CHRM3: variants seen among roughly 807,000 people sequenced by gnomAD.
CHRM3 encodes cholinergic receptor muscarinic 3, also known as muscarinic acetylcholine receptor M3.
CHRM3 carries 11 observed loss-of-function variants against 41.8 expected under a neutral mutation model. That is an observed-to-expected ratio of 0.26 (90% CI 0.17 to 0.44). CHRM3 has a LOEUF of 0.44. Ranked by LOEUF, CHRM3 falls within the 20% of genes least tolerant of loss-of-function variation. The probability of loss-of-function intolerance (pLI) is 1.00; values close to 1 mark genes in which losing one functional copy is unlikely to be tolerated. For synonymous variants in CHRM3, 297 were observed against 301.4 expected (o/e 0.99, Z 0.15); for missense variants, 571 against 745.4 (o/e 0.77, Z 2.72).
intron 3 of CHRM3, among the ~76,000 whole-genome samples, chr1:239,549,659 TAAA>T (rs542326965): frequency 2.5e-5 from 3 of 119,768 alleles, no homozygotes; most frequent in Admixed American, 8.6e-5. Flanking sequence ...AGACTCCATC[TAAA>T]AAAAAAAAAA....
rs1308566694 is a variant in CHRM3 at position 239,404,404 on chromosome 1, GAAAGAAAAAGAA to G, written c.-521+17179_-521+17190del. ...AGAAAGAAAGAAAGAAAGAAAGAAA[GAAAGAAAAAGAA>G]AGAAAGAAAGAAAGAAAGAAAGAAA... On this transcript the variant is annotated intron_variant, in intron 1 of 6. Coordinates refer to ENST00000676153, the MANE Select transcript of CHRM3 (RefSeq NM_001375978.1). Among the ~76,000 whole-genome samples the G allele has an allele frequency of 8.1e-3, 467 of 57,902 alleles. 5 individuals carry two copies. The highest frequency in any genetic ancestry group is 0.017 in the Middle Eastern group (2 of 118). The allele number at this position is 57,902 out of a possible 152,430, so 38.0% of individuals were successfully genotyped here. A position where few individuals can be genotyped will look rare whatever the true frequency, so the allele number is the denominator to read the frequency against.
At chr1:239,411,309 C>A (rs1661042500) in intron 1 of CHRM3, among the ~76,000 whole-genome samples, 1 of 152,156 alleles carries the variant, frequency 6.6e-6, no homozygotes, top group South Asian at 2.1e-4. Flanking sequence ...GCTCTTAAAG[C>A]ATTGTGCCTT....
chr1:239,455,071 T>A (rs7551209), intron 1 of CHRM3, among the ~76,000 whole-genome samples: 10,337 of 152,128 alleles, frequency 0.068, 692 homozygotes, highest in African/African-American at 0.18. Flanking sequence ...TCTACTTATT[T>A]TTTATTTATT....
At chr1:239,478,952 G>A (rs1666638744) in intron 1 of CHRM3, among the ~76,000 whole-genome samples, 1 of 152,126 alleles carries the variant, frequency 6.6e-6, no homozygotes, top group Non-Finnish European at 1.5e-5. Context: ...GGAGGCTGAG[G>A]CGGGTAGATC....
At chr1:239,396,052 C>T (rs533404607) in intron 1 of CHRM3, among the ~76,000 whole-genome samples, 6 of 152,306 alleles carry the variant, frequency 3.9e-5, no homozygotes, top group African/African-American at 1.4e-4. Flanking sequence ...CTGCCACGTT[C>T]TCTTGCTGCA....
intron 4 of CHRM3, among the ~76,000 whole-genome samples, chr1:239,650,404 G>C (rs530771363): frequency 6.6e-6 from 1 of 152,256 alleles, no homozygotes; most frequent in Admixed American, 6.5e-5. Context: ...TGATTATTGT[G>C]AGAATAAAAA....
At chr1:239,824,279 A>G (rs903355890) in intron 5 of CHRM3, among the ~76,000 whole-genome samples, 2 of 152,184 alleles carry the variant, frequency 1.3e-5, no homozygotes, top group African/African-American at 4.8e-5. Flanking sequence ...CAGCAAGTAC[A>G]TGGATCCTCT....
At chr1:239,573,768 G>T (rs973306923) in intron 3 of CHRM3, among the ~76,000 whole-genome samples, 1 of 152,032 alleles carries the variant, frequency 6.6e-6, no homozygotes, top group Non-Finnish European at 1.5e-5. Context: ...CATTTTGTGT[G>T]TATATATAGT....
At chr1:239,621,501 G>C (rs539428355) in intron 3 of CHRM3, among the ~76,000 whole-genome samples, 1 of 152,264 alleles carries the variant, frequency 6.6e-6, no homozygotes, top group South Asian at 2.1e-4. Context: ...GAATGCAAAG[G>C]AAAAGTTCAT....
intron 1 of CHRM3, among the ~76,000 whole-genome samples, chr1:239,469,151 G>A (rs968174960): frequency 1.3e-5 from 2 of 151,952 alleles, no homozygotes; most frequent in Admixed American, 6.6e-5. Context: ...CCTGGGTCTC[G>A]GATCTACTCC....
chr1:239,786,346 T>G (rs150757501), intron 5 of CHRM3, among the ~76,000 whole-genome samples: 83 of 152,312 alleles, frequency 5.4e-4, no homozygotes, highest in South Asian at 8.3e-4. Flanking sequence ...CAATGTGCTG[T>G]GTGCCAGGCA....
At chr1:239,671,179 A>G (rs140485319) in intron 4 of CHRM3, among the ~76,000 whole-genome samples, 1 of 152,190 alleles carries the variant, frequency 6.6e-6, no homozygotes, top group Non-Finnish European at 1.5e-5. Flanking sequence ...TCATAGGATT[A>G]CTAGACTCCT....
At chr1:239,643,349 T>A (rs1037389043) in intron 4 of CHRM3, among the ~76,000 whole-genome samples, 4 of 152,224 alleles carry the variant, frequency 2.6e-5, no homozygotes, top group Non-Finnish European at 4.4e-5. Flanking sequence ...TCTTTTTATT[T>A]GTCTGTGCCC....
chr1:239,473,288 G>A (rs2147952828), intron 1 of CHRM3, among the ~76,000 whole-genome samples: 1 of 142,554 alleles, frequency 7.0e-6, no homozygotes, highest in African/African-American at 2.6e-5. Flanking sequence ...AAAAGGACTT[G>A]CGAAAGTAAA....
chr1:239,412,869 A>C (rs1302101311), intron 1 of CHRM3, among the ~76,000 whole-genome samples: 1 of 152,038 alleles, frequency 6.6e-6, no homozygotes, highest in Non-Finnish European at 1.5e-5. Flanking sequence ...TTACGAGGTC[A>C]AGAGATGGAG....
intron 3 of CHRM3, among the ~76,000 whole-genome samples, chr1:239,584,674 G>A (rs1373536507): frequency 1.3e-5 from 2 of 152,124 alleles, no homozygotes; most frequent in Non-Finnish European, 1.5e-5. Flanking sequence ...CTGGGTAGAG[G>A]ATTCGAGTCT....
chr1:239,450,123 C>A (rs1167094578), intron 1 of CHRM3, among the ~76,000 whole-genome samples: 1 of 152,168 alleles, frequency 6.6e-6, no homozygotes, highest in African/African-American at 2.4e-5. Context: ...AGTCTTGTTA[C>A]CCTTCTATGC....
At chr1:239,480,892 A>G (rs1477857578) in intron 1 of CHRM3, among the ~76,000 whole-genome samples, 1 of 152,184 alleles carries the variant, frequency 6.6e-6, no homozygotes, top group Admixed American at 6.5e-5. Context: ...CAAGGCTCAG[A>G]TGAGTGAAGT....
intron 3 of CHRM3, among the ~76,000 whole-genome samples, chr1:239,555,756 C>T (rs904291648): frequency 1.3e-5 from 2 of 152,222 alleles, no homozygotes; most frequent in Non-Finnish European, 2.9e-5. Context: ...CAGGAGCAGT[C>T]ACAAAGCTGT....
Sources: allele counts gnomAD v4.1 joint callset (sites outside exome capture counted in the v4.1 genomes callset), GRCh38; gene constraint gnomAD v4.1.1; transcripts MANE v1.5; gene names NCBI Gene and HGNC (gene_info 2026-07-23, HGNC 2026-07-21).